CFAP20DC: variants seen among roughly 807,000 people sequenced by gnomAD.
The protein encoded by CFAP20DC is CFAP20 domain containing, also known as protein CFAP20DC.
A neutral mutation model predicts 101.7 loss-of-function variants in CFAP20DC; 84 were observed. The ratio of observed to expected loss-of-function variants is 0.83; its 90% CI spans 0.69 to 0.99. The LOEUF (loss-of-function observed/expected upper bound fraction) is 0.99. CFAP20DC is among the 50% of genes least tolerant of loss of function. CFAP20DC has a pLI of 0.00. For synonymous variants in CFAP20DC, 359 were observed against 351.2 expected (o/e 1.02, Z -0.25); for missense variants, 1,007 against 970.3 (o/e 1.04, Z -0.50).
chr3:58,723,248 C>T (rs1319474664), intron 3 of CFAP20DC, among the ~76,000 whole-genome samples: 1 of 152,204 alleles, frequency 6.6e-6, no homozygotes, highest in Non-Finnish European at 1.5e-5. Context: ...GCTGTAGCAG[C>T]AGATGGGCTA....
intron 4 of CFAP20DC, among the ~76,000 whole-genome samples, chr3:59,030,000 G>A (rs1369425143): frequency 1.3e-5 from 2 of 152,176 alleles, no homozygotes; most frequent in African/African-American, 4.8e-5. Flanking sequence ...CAGTGGGCAT[G>A]GGAGACATAG....
At chr3:58,963,190 T>TGTG (rs2091283461) in intron 4 of CFAP20DC, among the ~76,000 whole-genome samples, 48 of 118,298 alleles carry the variant, frequency 4.1e-4, no homozygotes, top group Admixed American at 1.9e-3. Flanking sequence ...GTTCAGTAGT[T>TGTG]TGTGTGTGTG....
chr3:58,848,368 CAT>C (rs977067979), intron 13 of CFAP20DC, among the ~76,000 whole-genome samples: 75 of 152,154 alleles, frequency 4.9e-4, no homozygotes, highest in African/African-American at 1.7e-3. Flanking sequence ...GGACATGAAA[CAT>C]AGAGAAAATC....
chr3:58,800,929 A>G (rs2073642656), intron 15 of CFAP20DC, among the ~76,000 whole-genome samples: 1 of 147,322 alleles, frequency 6.8e-6, no homozygotes, highest in African/African-American at 2.5e-5. Context: ...CATGGTGTCC[A>G]GGTGTATACC....
At chr3:58,845,787 C>T (rs959639277) in intron 13 of CFAP20DC, among the ~76,000 whole-genome samples, 2 of 150,102 alleles carry the variant, frequency 1.3e-5, no homozygotes, top group East Asian at 2.0e-4. Flanking sequence ...AAAACGAATC[C>T]AGCAGCACAT....
At chr3:58,884,432 T>C in intron 7 of CFAP20DC, 113 bp downstream of exon 7, 1 of 955,340 alleles carries the variant, frequency 1.0e-6, no homozygotes, top group East Asian at 2.4e-5. Flanking sequence ...TATACTCTGT[T>C]AAGTGCGAAG....
chr3:58,814,025 T>C (rs2074903851), intron 14 of CFAP20DC, among the ~76,000 whole-genome samples: 1 of 151,908 alleles, frequency 6.6e-6, no homozygotes, highest in Non-Finnish European at 1.5e-5. Flanking sequence ...CTCACACTGG[T>C]ATAGAAATAC....
chr3:58,768,658 A>G (rs1466283915), intron 15 of CFAP20DC, among the ~76,000 whole-genome samples: 1 of 152,206 alleles, frequency 6.6e-6, no homozygotes, highest in East Asian at 1.9e-4. Flanking sequence ...TTTTTACGGT[A>G]AAATCCCAAA....
intron 15 of CFAP20DC, among the ~76,000 whole-genome samples, chr3:58,760,184 T>C (rs929066933): frequency 1.3e-5 from 2 of 152,206 alleles, no homozygotes; most frequent in Non-Finnish European, 2.9e-5. Context: ...TGTTCTTCTA[T>C]TTCTTTGTAT....
chr3:58,764,783 G>A (rs115359637), intron 15 of CFAP20DC, among the ~76,000 whole-genome samples: 1,606 of 152,172 alleles, frequency 0.011, 33 homozygotes, highest in African/African-American at 0.037. Flanking sequence ...GCACATGCAG[G>A]AAGGAGCCTC....
Position 58,914,677 on chromosome 3 carries a change from A to AATAT in CFAP20DC, c.394-817_394-814dup, listed in dbSNP as rs200019424. Among the ~76,000 whole-genome samples the AATAT allele has an allele frequency of 1.3e-5, 2 of 148,252 alleles. No homozygotes were observed. The highest frequency in any genetic ancestry group is 3.0e-5 in the Non-Finnish European group (2 of 67,074). On this transcript the variant is annotated intron_variant, in intron 5 of 16. Coordinates refer to ENST00000482387, the MANE Select transcript of CFAP20DC (RefSeq NM_001394063.1). This position sits in a 1 kb window ranked among gnomAD's most constrained non-coding sequence, Gnocchi z 4.9. ...GTTTACATAAGGTCCTGTATATATA[A>AATAT]ATATATATATATATATTTTTTTTCT...
chr3:58,911,553 C>T (rs2084156542), intron 6 of CFAP20DC, among the ~76,000 whole-genome samples: 1 of 151,856 alleles, frequency 6.6e-6, no homozygotes, highest in Non-Finnish European at 1.5e-5. Context: ...GTAATACCTC[C>T]AGTTGTACAC....
chr3:58,764,379 T>C (rs147032576), intron 15 of CFAP20DC, among the ~76,000 whole-genome samples: 1 of 152,272 alleles, frequency 6.6e-6, no homozygotes, highest in African/African-American at 2.4e-5. Context: ...GCTAAGACTG[T>C]TGGAAAAGCG....
chr3:59,021,752 A>C (rs2093807117), intron 4 of CFAP20DC, among the ~76,000 whole-genome samples: 2 of 152,054 alleles, frequency 1.3e-5, no homozygotes, highest in African/African-American at 4.8e-5. Flanking sequence ...ACGAAACTGA[A>C]GAACTGAGCA....
intron 3 of CFAP20DC, chr3:58,727,357 C>T (rs773786475): frequency 5.2e-5 from 8 of 152,436 alleles, no homozygotes; most frequent in Non-Finnish European, 1.2e-4. Flanking sequence ...TCTGGCTATA[C>T]AACTCTCTCA....
At chr3:58,907,094 CGTGTGTGT>C (rs35001935) in intron 6 of CFAP20DC, among the ~76,000 whole-genome samples, 9 of 149,134 alleles carry the variant, frequency 6.0e-5, no homozygotes, top group East Asian at 2.0e-4. Context: ...CTTTGTGCCT[CGTGTGTGT>C]GTGTGTGTGT....
chr3:58,731,799 A>G (rs1441264732), intron 3 of CFAP20DC, among the ~76,000 whole-genome samples: 1 of 152,220 alleles, frequency 6.6e-6, no homozygotes, highest in Non-Finnish European at 1.5e-5. Context: ...ACTAAGCAGG[A>G]AGAAAGGCGC....
intron 16 of CFAP20DC, among the ~76,000 whole-genome samples, chr3:58,750,563 T>C (rs537222705): frequency 5.4e-4 from 83 of 152,324 alleles, no homozygotes; most frequent in African/African-American, 1.9e-3. Flanking sequence ...GGCACCACAT[T>C]CACACCTCAG....
rs540075463 is a variant in CFAP20DC, at chr3:58,870,016, T to C, written c.852+157A>G. 200 of 636,214 alleles carry C rather than the reference T, an allele frequency of 3.1e-4. No homozygotes were observed. The African/African-American group carries it at 3.3e-3, about 10-fold the overall frequency. The allele number at this position is 636,214 out of a possible 1,614,324, so 39.4% of individuals were successfully genotyped here. ...AGTCTTTTAAAATCCAGAATTTCTG[T>C]TCCAAATTTATTCAAGCCTTCTGCT... is the stretch of plus-strand genomic sequence containing the variant. On this transcript the variant is annotated intron_variant, in intron 8 of 16. Coordinates refer to ENST00000482387, the MANE Select transcript of CFAP20DC (RefSeq NM_001394063.1).
Sources: allele counts gnomAD v4.1 joint callset (sites outside exome capture counted in the v4.1 genomes callset), GRCh38; gene constraint gnomAD v4.1.1; non-coding constraint Gnocchi (gnomAD v3.1); transcripts MANE v1.5; gene names NCBI Gene and HGNC (gene_info 2026-07-23, HGNC 2026-07-21).